Variants in MARF1 observed in about 807,000 individuals in gnomAD.
MARF1 encodes meiosis regulator and mRNA stability factor 1, also known as limkain-b1.
Under a neutral mutation model 168.2 loss-of-function variants are expected in MARF1, and 24 were observed. The observed-to-expected ratio is 0.14, with a 90% CI of 0.10 to 0.20. MARF1 has a LOEUF of 0.20. Among genes scored for constraint, MARF1 ranks in the 10% least tolerant of loss-of-function variants. The pLI, the probability that MARF1 is intolerant of heterozygous loss-of-function variation, is 1.00. For missense variants in MARF1, 1,744 were observed against 2,143.6 expected (o/e 0.81, Z 3.68); for synonymous variants, 868 against 822.4 (o/e 1.06, Z -0.95).
Position 15,613,941 on chromosome 16 carries a change from G to A in MARF1, c.3254-1164C>T, listed in dbSNP as rs1341499440. Among the ~76,000 whole-genome samples, 7 of 152,150 alleles carry A rather than the reference G, an allele frequency of 4.6e-5. No homozygotes were observed. In the East Asian group the frequency reaches 1.3e-3, roughly 29 times the overall value. On this transcript the variant is annotated intron_variant, in intron 16 of 26. Coordinates refer to ENST00000396368, the MANE Select transcript of MARF1 (RefSeq NM_014647.4). Reference sequence around the variant, plus strand: ...CAAAAGTGTTGGGGACAAAGAGGAGGAAGTATGTGTGTATACACAGGAAGG... The same window carrying A: ...CAAAAGTGTTGGGGACAAAGAGGAGAAAGTATGTGTGTATACACAGGAAGG...
Position 15,643,006 on chromosome 16 carries a change from C to CT in MARF1, c.-59+11dup. On this transcript the variant is annotated intron_variant, in intron 1 of 26. Coordinates refer to ENST00000396368, the MANE Select transcript of MARF1 (RefSeq NM_014647.4). ...TGCCGGGGTCTGGTCGCAGGACTGT[C>CT]TGCAAACTCACCTCTGCCGCCGGCT... 1 of 281,006 alleles carries CT rather than the reference C, an allele frequency of 3.6e-6. No individual in the cohort carries two copies. The highest frequency in any genetic ancestry group is 6.9e-6 in the Non-Finnish European group (1 of 145,850). 17.4% of individuals were successfully genotyped at this position (281,006 alleles called of 1,614,324 possible).
Position 15,611,441 on chromosome 16 carries a change from C to T in MARF1, c.3617+151G>A, listed in dbSNP as rs1404081601. Reference sequence around the variant, plus strand: ...GCCACTGGGCGACAGAGCGAGACTCCGTCTCAAAAAAAAAAAAAAAAAAAC... The same window carrying T: ...GCCACTGGGCGACAGAGCGAGACTCTGTCTCAAAAAAAAAAAAAAAAAAAC... On this transcript the variant is annotated intron_variant, in intron 18 of 26. Coordinates refer to ENST00000396368, the MANE Select transcript of MARF1 (RefSeq NM_014647.4). The T allele has an allele frequency of 1.8e-4, 116 of 660,038 alleles. 1 individual carries two copies. Among genetic ancestry groups the T allele is most frequent in the African/African-American group, 3.9e-4 (17 of 43,214 alleles). 40.9% of individuals were successfully genotyped at this position (660,038 alleles called of 1,614,324 possible). A position where few individuals can be genotyped will look rare whatever the true frequency, so the allele number is the denominator to read the frequency against.
chr16:15,626,389 C>A (rs1017519851), intron 7 of MARF1, among the ~76,000 whole-genome samples: 5 of 152,074 alleles, frequency 3.3e-5, no homozygotes, highest in African/African-American at 2.4e-5. Flanking sequence ...CATATCTCAA[C>A]GAAGTTGTTT....
intron 7 of MARF1, 90 bp downstream of exon 7, chr16:15,630,242 C>T: frequency 8.1e-7 from 1 of 1,232,564 alleles, no homozygotes; most frequent in African/African-American, 1.5e-5. Context: ...ACAGCCCCAT[C>T]TGGGCCTGGC....
At chr16:15,635,024 G>GT in intron 3 of MARF1, 93 bp from the exon 4 acceptor site, 1 of 1,079,430 alleles carries the variant, frequency 9.3e-7, no homozygotes. Context: ...CACTCTAAGT[G>GT]TTTTACCTTT....
intron 5 of MARF1, among the ~76,000 whole-genome samples, chr16:15,631,864 T>C (rs2035277996): frequency 6.6e-6 from 1 of 152,230 alleles, no homozygotes; most frequent in African/African-American, 2.4e-5. Flanking sequence ...TTTCTGTTCC[T>C]ACATTAGTTT....
intron 7 of MARF1, among the ~76,000 whole-genome samples, chr16:15,626,961 G>GA (rs71134441): frequency 0.69 from 79,493 of 115,962 alleles, 26,327 homozygotes; most frequent in African/African-American, 0.8. Flanking sequence ...GAGATTCTGT[G>GA]AAAAAAAAAA....
Position 15,617,066 on chromosome 16 carries a change from G to A in MARF1, c.3063C>T (p.Thr1021=), listed in dbSNP as rs775240446. ...AGATGGTTCACCTCAATAAAGGCAC[G>A]GTGCCCTCGTGGGTCTGGAGAAGAC... is the stretch of plus-strand genomic sequence containing the variant. ...VHSLLQTHEG[T]VPLLSFPDCY... is the part of the protein sequence containing the mutation. Residue 1021 remains threonine (T), a synonymous_variant, in exon 15 of 27, where the codon ACC becomes ACT. Transcript: ENST00000396368. 4 of 1,612,846 alleles carry A rather than the reference G, an allele frequency of 2.5e-6. No individual in the cohort carries two copies. Among genetic ancestry groups the A allele is most frequent in the African/African-American group, 1.3e-5 (1 of 74,776 alleles).
intron 16 of MARF1, among the ~76,000 whole-genome samples, chr16:15,614,829 G>C (rs909051841): frequency 6.6e-6 from 1 of 151,890 alleles, no homozygotes; most frequent in African/African-American, 2.4e-5. Context: ...TTGTCACCCA[G>C]GCTGGAGTGC....
At chr16:15,601,213 G>C (rs1181056670) in intron 23 of MARF1, 6 of 384,710 alleles carry the variant, frequency 1.6e-5, no homozygotes, top group African/African-American at 1.3e-4. Flanking sequence ...CCGTCGCCAG[G>C]TCACTGATCT....
At chr16:15,632,964 A>G (rs752799991) in intron 5 of MARF1, among the ~76,000 whole-genome samples, 1 of 152,182 alleles carries the variant, frequency 6.6e-6, no homozygotes, top group Non-Finnish European at 1.5e-5. Context: ...TTCAAAGAGC[A>G]GTAATGAAAA....
Position 15,596,534 on chromosome 16 carries a change from G to A in MARF1, c.*159C>T, listed in dbSNP as rs2031703200. On this transcript the variant is annotated 3_prime_UTR_variant, in exon 27 of 27. Transcript: ENST00000396368. ...AAGAAAGACTTCAGCTCAAAGCTGTGTTCAATGGAAAAGAAAAACATGATA... is the reference window on the plus strand; with the variant it reads ...AAGAAAGACTTCAGCTCAAAGCTGTATTCAATGGAAAAGAAAAACATGATA... 3.3e-6 allele frequency: 2 copies of A among 601,756 alleles called. No individual in the cohort carries two copies. The highest frequency in any genetic ancestry group is 3.8e-5 in the African/African-American group (2 of 52,720). The allele number at this position is 601,756 out of a possible 1,614,324, so 37.3% of individuals were successfully genotyped here.
Position 15,615,814 on chromosome 16 carries a change from A to C in MARF1, c.3253+16T>G. 2 of 1,503,756 alleles carry C rather than the reference A, an allele frequency of 1.3e-6. No individual in the cohort carries two copies. The highest frequency in any genetic ancestry group is 1.8e-6 in the Non-Finnish European group (2 of 1,119,498). The allele number at this position is 1,503,756 out of a possible 1,614,324, so 93.2% of individuals were successfully genotyped here. On this transcript the variant is annotated intron_variant, in intron 16 of 26. Coordinates refer to ENST00000396368, the MANE Select transcript of MARF1 (RefSeq NM_014647.4). ...TGGACAGGTGGTAGCTCCAGGACAA[A>C]ATACCTGACACCTACCAGTGTTGGG...
intron 5 of MARF1, 126 bp from the exon 6 acceptor site, chr16:15,631,624 C>G: frequency 3.7e-6 from 2 of 539,726 alleles, no homozygotes; most frequent in Middle Eastern, 5.5e-4. Flanking sequence ...ATGTGCAGAA[C>G]GTGCAGGTTT....
chr16:15,596,873 C>G lies in MARF1; in HGVS notation c.5049G>C (p.Leu1683=), dbSNP rs748930126. ...TGCAGGACGAGCTGGAGTCAGAGGTCAGAGTTTTGCTCTTTCCTGGTATTG... is the reference window on the plus strand; with the variant it reads ...TGCAGGACGAGCTGGAGTCAGAGGTGAGAGTTTTGCTCTTTCCTGGTATTG... The part of the protein sequence containing the change: ...EIPIPGKSKT[L]TSDSSSSCIS... Residue 1683 remains leucine, a synonymous_variant, in exon 27 of 27, where the codon CTG becomes CTC. Coordinates refer to ENST00000396368, the MANE Select transcript of MARF1 (RefSeq NM_014647.4). The G allele has an allele frequency of 1.9e-6, 3 of 1,613,694 alleles. No individual in the cohort carries two copies. The highest frequency in any genetic ancestry group is 1.3e-5 in the African/African-American group (1 of 74,880).
chr16:15,625,587 C>G lies in MARF1; in HGVS notation c.1738G>C (p.Val580Leu). The change falls in exon 8 of 27, where the codon GTG (valine) becomes CTG (leucine). Residue 580 changes from valine to leucine, a missense_variant. Physicochemically the swap from Val to Leu is conservative, Grantham distance 32. Around this residue, in one of 7 missense-constraint regions of MARF1, gnomAD observed 270 missense variants for 260.6 expected, o/e 1.04. Coordinates refer to ENST00000396368, the MANE Select transcript of MARF1 (RefSeq NM_014647.4). ...NEDVFGNRII[V>L]SFTPKNRELC... ...TCTCTATTTTTTGGAGTAAATGACA[C>G]AATGATCCTATTACCAAAGACATCT... The G allele has an allele frequency of 6.2e-7, 1 of 1,614,136 alleles. No homozygotes were observed. Among genetic ancestry groups the G allele is most frequent in the Non-Finnish European group, 8.5e-7 (1 of 1,180,020 alleles).
At chr16:15,633,175 C>CCACACACACACACACACACACA (rs140240605) in intron 5 of MARF1, among the ~76,000 whole-genome samples, 4 of 136,928 alleles carry the variant, frequency 2.9e-5, no homozygotes, top group South Asian at 2.4e-4. Flanking sequence ...AAAAAAAACA[C>CCACACACACACACACACACACA]CACACACACA....
chr16:15,637,187 G>A (rs965319426), intron 2 of MARF1, among the ~76,000 whole-genome samples: 21 of 152,148 alleles, frequency 1.4e-4, no homozygotes, highest in African/African-American at 4.8e-4. Context: ...ACCTCCTAGA[G>A]TTGCTAGGAG....
chr16:15,604,033 C>T (rs2032777485), intron 22 of MARF1, 135 bp downstream of exon 22: 7 of 688,584 alleles, frequency 1.0e-5, no homozygotes, highest in South Asian at 5.7e-5. Flanking sequence ...CCTGAGGTCT[C>T]GGCGTGTTCA....
Sources: allele counts gnomAD v4.1 joint callset (sites outside exome capture counted in the v4.1 genomes callset), GRCh38; gene constraint gnomAD v4.1.1; regional missense constraint gnomAD v4.1.1; transcripts MANE v1.5; gene names NCBI Gene and HGNC (gene_info 2026-07-23, HGNC 2026-07-21).